CNOT7: variants seen among roughly 807,000 people sequenced by gnomAD.
CNOT7 encodes the protein BTG1-binding factor 1.
In CNOT7, 4 loss-of-function variants were observed where a neutral mutation model predicts 37.1. That is an observed-to-expected ratio of 0.11 (90% CI 0.05 to 0.25). The LOEUF is 0.25. CNOT7 is among the 10% of genes least tolerant of loss of function. The pLI is 1.00. For synonymous variants in CNOT7, 128 were observed against 115.6 expected, an observed-to-expected ratio of 1.11 and a Z score of -0.69; for missense variants, 170 against 336.2, an observed-to-expected ratio of 0.51 and a Z score of 3.87.
intron 4 of CNOT7, among the ~76,000 whole-genome samples, 169 bp from the exon 5 acceptor site, chr8:17,235,029 G>C (rs1236998296): frequency 6.6e-6 from 1 of 152,088 alleles, no homozygotes; most frequent in Non-Finnish European, 1.5e-5. Flanking sequence ...AGAACTATGA[G>C]AAAATGTCGT....
At chr8:17,240,674 A>T (rs968691013) in intron 3 of CNOT7, among the ~76,000 whole-genome samples, 36 of 152,350 alleles carry the variant, frequency 2.4e-4, no homozygotes, top group Middle Eastern at 3.4e-3. Context: ...TATCTAATTT[A>T]AAAACAATGT....
At chr8:17,232,755 G>A (rs1563189451) in intron 5 of CNOT7, among the ~76,000 whole-genome samples, 2 of 152,062 alleles carry the variant, frequency 1.3e-5, no homozygotes, top group African/African-American at 4.8e-5. Context: ...TCCTAATTGG[G>A]AAAATGTATT....
chr8:17,234,652 C>G (rs1439285844), intron 5 of CNOT7, 64 bp downstream of exon 5: 19 of 1,511,968 alleles, frequency 1.3e-5, no homozygotes, highest in Admixed American at 1.7e-5. Context: ...CCAGCCTAGG[C>G]TCGCATGACA....
At chr8:17,246,646 C>A in intron 1 of CNOT7, 29 bp downstream of exon 1, 1 of 158,938 alleles carries the variant, frequency 6.3e-6, no homozygotes, top group Non-Finnish European at 1.4e-5. Flanking sequence ...CCCCTCCCCC[C>A]GTAAGGCTGC....
chr8:17,238,736 G>A (rs1442765558), intron 3 of CNOT7, among the ~76,000 whole-genome samples: 1 of 152,120 alleles, frequency 6.6e-6, no homozygotes, highest in Non-Finnish European at 1.5e-5. Context: ...TTTCTCTTAA[G>A]TTTCCAATAA....
intron 3 of CNOT7, among the ~76,000 whole-genome samples, chr8:17,240,449 A>G (rs905649725): frequency 6.6e-6 from 1 of 152,222 alleles, no homozygotes; most frequent in African/African-American, 2.4e-5. Context: ...AGGGAAACCA[A>G]AAGATTAGAC....
chr8:17,234,214 T>G (rs1458676154), intron 5 of CNOT7, among the ~76,000 whole-genome samples: 1 of 152,218 alleles, frequency 6.6e-6, no homozygotes, highest in East Asian at 1.9e-4. Flanking sequence ...CTATATAGTT[T>G]AATCCTAGGA....
Position 17,226,706 on chromosome 8 carries a change from G to A in CNOT7, c.*4014C>T, listed in dbSNP as rs1645762655. On this transcript the variant is annotated 3_prime_UTR_variant, in exon 7 of 7. Transcript: ENST00000361272. Reference sequence around the variant, plus strand: ...CGCTGTTTTGACTTCTCATAGCACAGAAAGTATATAAAGCAGCTTGACAAT... The same window carrying A: ...CGCTGTTTTGACTTCTCATAGCACAAAAAGTATATAAAGCAGCTTGACAAT... 1 of 151,714 alleles carries A rather than the reference G, an allele frequency of 6.6e-6. No individual in the cohort carries two copies. Among genetic ancestry groups the A allele is most frequent in the Admixed American group, 6.6e-5 (1 of 15,208 alleles). 9.4% of individuals were successfully genotyped at this position (151,714 alleles called of 1,614,324 possible). A position where few individuals can be genotyped will look rare whatever the true frequency, so the allele number is the denominator to read the frequency against.
chr8:17,230,152 G>C lies in CNOT7; in HGVS notation c.*568C>G, dbSNP rs1563183703. On this transcript the variant is annotated 3_prime_UTR_variant, in exon 7 of 7. Coordinates refer to ENST00000361272, the MANE Select transcript of CNOT7 (RefSeq NM_013354.7). ...TGTCTTTTTTAAGTTTCGCTGAATC[G>C]ACAGTTTGCACAACGTGCTATATTC... The C allele has an allele frequency of 6.6e-6, 1 of 152,424 alleles. No individual in the cohort carries two copies. Among genetic ancestry groups the C allele is most frequent in the South Asian group, 2.1e-4 (1 of 4,834 alleles). The allele number at this position is 152,424 out of a possible 1,614,324, so 9.4% of individuals were successfully genotyped here. A position where few individuals can be genotyped will look rare whatever the true frequency, so the allele number is the denominator to read the frequency against.
Position 17,232,513 on chromosome 8 carries a change from G to C in CNOT7, c.643C>G (p.Gln215Glu). ...LKGGLQEVAE[Q>E]LELERIGPQH... ...GGTCCTATCCGTTCCAGCTCTAACT[G>C]TTCTGCCACCTCCTGTAATCCACCC... Residue 215 changes from glutamine to glutamate, a missense_variant, in exon 6 of 7, where the codon CAG becomes GAG. This residue lies in a region of CNOT7 where 68 missense variants were observed against 151.1 expected (regional missense o/e 0.45). Transcript: ENST00000361272. The C allele has an allele frequency of 6.2e-7, 1 of 1,613,930 alleles. No homozygotes were observed. Among genetic ancestry groups the C allele is most frequent in the Non-Finnish European group, 8.5e-7 (1 of 1,179,946 alleles).
Position 17,237,301 on chromosome 8 carries a change from C to T in CNOT7, c.384G>A (p.Glu128=), listed in dbSNP as rs749409263. The T allele has an allele frequency of 6.2e-6, 10 of 1,613,882 alleles. No homozygotes were observed. The Admixed American group carries it at 1.7e-4, about 27-fold the overall frequency. The change falls in exon 4 of 7, where the codon GAG becomes GAA. Residue 128 remains glutamate, a synonymous_variant. Coordinates refer to ENST00000361272, the MANE Select transcript of CNOT7 (RefSeq NM_013354.7). Reference sequence around the variant, plus strand: ...CAAAGTACTGGGTTTCAATTCCTTCCTCCTCATGTTTTTTAAACTGGATAC... The same window carrying T: ...CAAAGTACTGGGTTTCAATTCCTTCTTCCTCATGTTTTTTAAACTGGATAC... The part of the protein sequence containing the change: ...TSGIQFKKHE[E]EGIETQYFAE...
rs376546970 is a variant in CNOT7, at chr8:17,230,718, T to C, written c.*2A>G. The stretch of plus-strand genomic sequence containing the variant: ...AAATAAAAATAAAAGGACTATTTCA[T>C]GTCATGACTGCTTGTTGGCTTCCTC... On this transcript the variant is annotated 3_prime_UTR_variant, in exon 7 of 7. Coordinates refer to ENST00000361272, the MANE Select transcript of CNOT7 (RefSeq NM_013354.7). 4 of 1,597,096 alleles carry C rather than the reference T, an allele frequency of 2.5e-6. No homozygotes were observed. In the African/African-American group the frequency reaches 5.4e-5, roughly 22 times the overall value.
chr8:17,237,235 C>G lies in CNOT7; in HGVS notation c.450G>C (p.Gly150=), dbSNP rs1809496961. 3.7e-6 allele frequency: 6 copies of G among 1,613,938 alleles called. No individual in the cohort carries two copies. Among genetic ancestry groups the G allele is most frequent in the Non-Finnish European group, 5.1e-6 (6 of 1,179,946 alleles). ...ACCTATGAAATGACAACCATTTGACCCCTTCACAGAGGACCACTCCAGAAG... is the reference window on the plus strand; with the variant it reads ...ACCTATGAAATGACAACCATTTGACGCCTTCACAGAGGACCACTCCAGAAG... ...LMTSGVVLCE[G]VKWLSFHSGY... The change falls in exon 4 of 7, where the codon GGG becomes GGC. Residue 150 remains glycine, a synonymous_variant. Transcript: ENST00000361272.
chr8:17,230,867 G>GAAAA lies in CNOT7; in HGVS notation c.730-23_730-20dup. ...AGAACATCTAAAAAGGAATTTTGAA[G>GAAAA]AAAAAAAAAAGATAATTTTAACCAA... On this transcript the variant is annotated intron_variant, in intron 6 of 6. Transcript: ENST00000361272. The GAAAA allele has an allele frequency of 7.2e-7, 1 of 1,391,646 alleles. No individual in the cohort carries two copies. Among genetic ancestry groups the GAAAA allele is most frequent in the Non-Finnish European group, 9.7e-7 (1 of 1,031,886 alleles). 86.2% of individuals were successfully genotyped at this position (1,391,646 alleles called of 1,614,324 possible).
rs2150966535 is a variant in CNOT7 at position 17,230,637 on chromosome 8, T to C, written c.*83A>G. ...AAAGGGGGGGGAAAGGTACTGTCTA[T>C]TGTTCGAGGGATTCAACCAGAGATA... is the stretch of plus-strand genomic sequence containing the variant. On this transcript the variant is annotated 3_prime_UTR_variant, in exon 7 of 7. Transcript: ENST00000361272. 2 of 1,226,202 alleles carry C rather than the reference T, an allele frequency of 1.6e-6. No individual in the cohort carries two copies. The highest frequency in any genetic ancestry group is 2.2e-6 in the Non-Finnish European group (2 of 901,384). 76.0% of individuals were successfully genotyped at this position (1,226,202 alleles called of 1,614,324 possible).
chr8:17,244,968 T>C, intron 2 of CNOT7, 68 bp downstream of exon 2: 2 of 1,305,106 alleles, frequency 1.5e-6, no homozygotes, highest in Admixed American at 2.1e-5. Flanking sequence ...AAGGGTTGAA[T>C]TCAAGACTTT....
At chr8:17,236,315 C>T (rs1809352584) in intron 4 of CNOT7, among the ~76,000 whole-genome samples, 1 of 152,182 alleles carries the variant, frequency 6.6e-6, no homozygotes, top group South Asian at 2.1e-4. Context: ...ATCTATGTAA[C>T]ACAATGCTTT....
chr8:17,235,359 G>C (rs1200825049), intron 4 of CNOT7, among the ~76,000 whole-genome samples: 1 of 152,158 alleles, frequency 6.6e-6, no homozygotes. Flanking sequence ...CAAAGAATAA[G>C]ACTGTAACAA....
intron 3 of CNOT7, 183 bp downstream of exon 3, chr8:17,242,809 A>G (rs1310609626): frequency 6.9e-6 from 3 of 435,808 alleles, no homozygotes; most frequent in East Asian, 7.4e-5. Context: ...CTTTAACATC[A>G]AAGTATTTTT....
Sources: gnomAD v4.1 joint callset for allele counts (sites outside exome capture counted in the v4.1 genomes callset) on GRCh38, gnomAD v4.1.1 for gene constraint, gnomAD v4.1.1 regional missense constraint, MANE v1.5 for transcripts, NCBI Gene and HGNC (gene_info 2026-07-23, HGNC 2026-07-21) for gene names.